KTN1: variants seen among roughly 807,000 people sequenced by gnomAD.
The protein encoded by KTN1 is kinectin.
In KTN1, 130 loss-of-function variants were observed where a neutral mutation model predicts 222.5. That is an observed-to-expected ratio of 0.58 (90% CI 0.51 to 0.68). The LOEUF (loss-of-function observed/expected upper bound fraction) is 0.68. KTN1 is among the 30% of genes least tolerant of loss of function. The pLI, the probability that KTN1 is intolerant of heterozygous loss-of-function variation, is 0.00. For synonymous variants in KTN1, 512 were observed against 496.3 expected, an observed-to-expected ratio of 1.03 and a Z score of -0.42; for missense variants, 1,508 against 1,500.4, an observed-to-expected ratio of 1.01 and a Z score of -0.08.
At chr14:55,622,907 A>G (rs190501379) in intron 5 of KTN1, among the ~76,000 whole-genome samples, 30 of 152,240 alleles carry the variant, frequency 2.0e-4, no homozygotes, top group African/African-American at 7.2e-4. Flanking sequence ...AGCCTCATCT[A>G]ATGACATTTT....
At chr14:55,644,710 G>T (rs1318609207) in intron 18 of KTN1, among the ~76,000 whole-genome samples, 1 of 151,814 alleles carries the variant, frequency 6.6e-6, no homozygotes, top group Non-Finnish European at 1.5e-5. Context: ...TTGCCCTACT[G>T]CCTTGTTAAA....
At position 55,639,994 on chromosome 14, in the gene KTN1, G is replaced by A. The variant is rs2041602388; in HGVS notation, c.1905G>A (p.Glu635=). 2 of 1,583,186 alleles carry A rather than the reference G, an allele frequency of 1.3e-6. No individual in the cohort carries two copies. Among genetic ancestry groups the A allele is most frequent in the Non-Finnish European group, 1.7e-6 (2 of 1,152,964 alleles). The stretch of plus-strand genomic sequence containing the variant: ...GTGATCGTTTAACAAGTAAAGAAGA[G>A]GAACTTAAGGTATAGTAATTTGTAT... ...SERDRLTSKE[E]ELKDIQNMNF... Residue 635 remains glutamate (E), a synonymous_variant, in exon 14 of 44, where the codon GAG becomes GAA. Transcript: ENST00000395314.
intron 1 of KTN1, among the ~76,000 whole-genome samples, chr14:55,609,882 T>TA (rs938258369): frequency 9.9e-5 from 15 of 151,738 alleles, no homozygotes; most frequent in Admixed American, 7.2e-4. Flanking sequence ...ATGCTATGTT[T>TA]AAAAAAAAAT....
rs1258146824 is a variant in KTN1, at chr14:55,672,508, C to G, written c.3532-122C>G. ...TTTTAAGGTCTTTTAAAATTCATCT[C>G]TTTTAAATGAGATGCATTTCAAAAC... On this transcript the variant is annotated intron_variant, in intron 37 of 43. Coordinates refer to ENST00000395314, the MANE Select transcript of KTN1 (RefSeq NM_001079521.2). 13 of 606,708 alleles carry G rather than the reference C, an allele frequency of 2.1e-5. No individual in the cohort carries two copies. The Admixed American group carries it at 2.9e-4, about 14-fold the overall frequency. 37.6% of individuals were successfully genotyped at this position (606,708 alleles called of 1,614,324 possible). A position where few individuals can be genotyped will look rare whatever the true frequency, so the allele number is the denominator to read the frequency against.
At chr14:55,644,418 G>C (rs1204487444) in intron 18 of KTN1, 1 of 702,452 alleles carries the variant, frequency 1.4e-6, no homozygotes. Flanking sequence ...TTCAGGTGTA[G>C]GAAGCAGAAA....
chr14:55,608,338 A>G (rs923983473), intron 1 of KTN1, among the ~76,000 whole-genome samples: 7 of 152,186 alleles, frequency 4.6e-5, no homozygotes, highest in Non-Finnish European at 8.8e-5. Flanking sequence ...TTTTAAAATA[A>G]TATTTTATGA....
chr14:55,667,227 A>G lies in KTN1; in HGVS notation c.3178-14A>G, dbSNP rs2044883081. On this transcript the variant is annotated splice_polypyrimidine_tract_variant and intron_variant, in intron 33 of 43. Transcript: ENST00000395314. ...TGATCTTGTAAGTTTGATTTGGCTC[A>G]TCTTCTGCTTTAGGAAAGGCAGCAA... 7.9e-6 allele frequency: 12 copies of G among 1,525,294 alleles called. No individual in the cohort carries two copies. Among genetic ancestry groups the G allele is most frequent in the Non-Finnish European group, 1.1e-5 (12 of 1,112,992 alleles). 94.5% of individuals were successfully genotyped at this position (1,525,294 alleles called of 1,614,324 possible). A position where few individuals can be genotyped will look rare whatever the true frequency, so the allele number is the denominator to read the frequency against.
chr14:55,638,832 T>A (rs2274076), intron 12 of KTN1, among the ~76,000 whole-genome samples: 35,780 of 151,708 alleles, frequency 0.24, 4,422 homozygotes, highest in East Asian at 0.33. Flanking sequence ...ATGGAATGGA[T>A]AATTTTATTA....
intron 1 of KTN1, among the ~76,000 whole-genome samples, chr14:55,601,550 T>C (rs1236248914): frequency 1.3e-5 from 2 of 152,190 alleles, no homozygotes; most frequent in African/African-American, 4.8e-5. Flanking sequence ...TTTTGCGTTT[T>C]GATGGCCGTT....
chr14:55,672,651 T>G lies in KTN1; in HGVS notation c.3553T>G (p.Ser1185Ala). The G allele has an allele frequency of 4.4e-6, 7 of 1,607,450 alleles. No individual in the cohort carries two copies. The highest frequency in any genetic ancestry group is 6.0e-6 in the Non-Finnish European group (7 of 1,174,548). ...TCAGATGCAGTCATCATTTACATCT[T>G]CAGAACAAGAGCTAGAGCGATTAAG... ...IKQMQSSFTS[S>A]EQELERLRSE... Residue 1185 changes from serine (S) to alanine (A), a missense_variant, in exon 38 of 44, where the codon TCA becomes GCA. Transcript: ENST00000395314.
At chr14:55,609,882 T>A (rs763345213) in intron 1 of KTN1, among the ~76,000 whole-genome samples, 3 of 151,740 alleles carry the variant, frequency 2.0e-5, no homozygotes, top group Non-Finnish European at 4.4e-5. Context: ...ATGCTATGTT[T>A]AAAAAAAAAT....
chr14:55,649,637 A>G (rs761508490), intron 21 of KTN1, 139 bp from the exon 22 acceptor site: 12 of 586,282 alleles, frequency 2.0e-5, no homozygotes, highest in Non-Finnish European at 3.5e-5. Flanking sequence ...ATGACATTAA[A>G]AAAGTCTCGA....
intron 4 of KTN1, among the ~76,000 whole-genome samples, chr14:55,618,430 A>T (rs2038692680): frequency 6.6e-6 from 1 of 151,948 alleles, no homozygotes; most frequent in African/African-American, 2.4e-5. Flanking sequence ...TTTTTTTAAT[A>T]GACTGTTTTT....
intron 1 of KTN1, among the ~76,000 whole-genome samples, chr14:55,598,661 A>T (rs1242884130): frequency 1.3e-5 from 2 of 152,120 alleles, no homozygotes; most frequent in African/African-American, 2.4e-5. Context: ...CAGGGTCTAG[A>T]ATTCTGTGGC....
At chr14:55,629,930 T>G (rs757027329) in intron 6 of KTN1, 27 bp from the exon 7 acceptor site, 1 of 1,466,922 alleles carries the variant, frequency 6.8e-7, no homozygotes, top group Non-Finnish European at 9.5e-7. Context: ...AATAACAAGT[T>G]TTTAAATTTC....
rs41304375 is a variant in KTN1 at position 55,671,640 on chromosome 14, C to A, written c.3423C>A (p.Ser1141=). 1 of 1,610,774 alleles carries A rather than the reference C, an allele frequency of 6.2e-7. No homozygotes were observed. Among genetic ancestry groups the A allele is most frequent in the East Asian group, 2.2e-5 (1 of 44,784 alleles). ...LLQLECEKYK[S]VLAETEGILQ... ...AGCTAGAGTGTGAAAAATACAAATC[C>A]GTCCTTGCAGAAACAGTAGGAAATG... Residue 1141 remains serine, a synonymous_variant, in exon 36 of 44, where the codon TCC becomes TCA. Transcript: ENST00000395314.
intron 1 of KTN1, among the ~76,000 whole-genome samples, chr14:55,605,270 G>A (rs1321793521): frequency 6.6e-6 from 1 of 152,004 alleles, no homozygotes; most frequent in African/African-American, 2.4e-5. Context: ...TATCCATTTG[G>A]TTTTATTTAT....
At chr14:55,664,104 A>G in intron 33 of KTN1, 63 bp downstream of exon 33, 5 of 1,066,436 alleles carry the variant, frequency 4.7e-6, no homozygotes, top group Non-Finnish European at 7.0e-6. Flanking sequence ...TTGTCTTAAA[A>G]TCAGACTAAA....
At chr14:55,621,546 A>C (rs759554776) in intron 5 of KTN1, among the ~76,000 whole-genome samples, 6 of 152,182 alleles carry the variant, frequency 3.9e-5, no homozygotes, top group African/African-American at 1.4e-4. Flanking sequence ...GGAAGAGGGA[A>C]TGAGAACCAA....
Sources: allele counts gnomAD v4.1 joint callset (sites outside exome capture counted in the v4.1 genomes callset), GRCh38; gene constraint gnomAD v4.1.1; transcripts MANE v1.5; gene names NCBI Gene and HGNC (gene_info 2026-07-23, HGNC 2026-07-21).